NCBP3: variants seen among roughly 807,000 people sequenced by gnomAD.
NCBP3 encodes nuclear cap binding subunit 3, also known as nuclear cap-binding protein subunit 3.
NCBP3 carries 20 observed loss-of-function variants against 75.7 expected under a neutral mutation model. The observed-to-expected ratio is 0.26, with a 90% CI of 0.19 to 0.38. The LOEUF (loss-of-function observed/expected upper bound fraction) is 0.38, where lower values mean the gene tolerates loss of function less well. NCBP3 is among the 10% of genes least tolerant of loss of function. The probability of loss-of-function intolerance (pLI) is 1.00; values close to 1 mark genes in which losing one functional copy is unlikely to be tolerated. For missense variants in NCBP3, 678 were observed against 796.9 expected, an observed-to-expected ratio of 0.85 and a Z score of 1.80; for synonymous variants, 293 against 290.5, an observed-to-expected ratio of 1.01 and a Z score of -0.09.
At chr17:3,827,711 A>G (rs2053812477) in intron 4 of NCBP3, among the ~76,000 whole-genome samples, 1 of 152,194 alleles carries the variant, frequency 6.6e-6, no homozygotes, top group African/African-American at 2.4e-5. Flanking sequence ...TAAATAATAC[A>G]AGGTAGGTGA....
chr17:3,842,122 T>G (rs1042970344), intron 2 of NCBP3, among the ~76,000 whole-genome samples: 1 of 151,882 alleles, frequency 6.6e-6, no homozygotes, highest in Non-Finnish European at 1.5e-5. Flanking sequence ...TACAAGGCAA[T>G]AGTCTTATTA....
rs1423940530 is a variant in NCBP3, at chr17:3,825,720, G to A, written c.687+47C>T. ...AAGGCTTAAGTTAAAAAGACAGTGA[G>A]CAATTTTTTACAATAACTTTACATC... On this transcript the variant is annotated intron_variant, in intron 6 of 12. Coordinates refer to ENST00000389005, the MANE Select transcript of NCBP3 (RefSeq NM_001114118.3). 3 of 1,392,472 alleles carry A rather than the reference G, an allele frequency of 2.2e-6. No homozygotes were observed. In the East Asian group the frequency reaches 7.5e-5, roughly 35 times the overall value. 86.3% of individuals were successfully genotyped at this position (1,392,472 alleles called of 1,614,324 possible).
At chr17:3,821,540 A>G (rs2143658837) in intron 8 of NCBP3, among the ~76,000 whole-genome samples, 188 bp from the exon 9 acceptor site, 1 of 152,170 alleles carries the variant, frequency 6.6e-6, no homozygotes, top group Non-Finnish European at 1.5e-5. Context: ...CTCCTGCCTC[A>G]GCCTCCCGAG....
chr17:3,831,792 T>C (rs982842457), intron 3 of NCBP3, among the ~76,000 whole-genome samples: 2 of 121,162 alleles, frequency 1.7e-5, no homozygotes, highest in African/African-American at 5.0e-5. Flanking sequence ...CAAGATCTAC[T>C]GTTTAACAGC....
chr17:3,835,588 T>C (rs1334733998), intron 3 of NCBP3, among the ~76,000 whole-genome samples: 1 of 152,222 alleles, frequency 6.6e-6, no homozygotes, highest in Non-Finnish European at 1.5e-5. Flanking sequence ...TAGAAGGCAA[T>C]GCTCAACACA....
At chr17:3,840,423 A>G (rs904858265) in intron 2 of NCBP3, among the ~76,000 whole-genome samples, 2 of 152,218 alleles carry the variant, frequency 1.3e-5, no homozygotes, top group Non-Finnish European at 2.9e-5. Context: ...GACATAACAC[A>G]GCCTATCACT....
intron 3 of NCBP3, among the ~76,000 whole-genome samples, chr17:3,838,686 T>A (rs2054016755): frequency 6.6e-6 from 1 of 152,218 alleles, no homozygotes; most frequent in South Asian, 2.1e-4. Flanking sequence ...AAACTGGGTG[T>A]GAATCCTGAC....
intron 1 of NCBP3, among the ~76,000 whole-genome samples, chr17:3,845,454 T>C (rs187765006): frequency 6.6e-6 from 1 of 152,198 alleles, no homozygotes; most frequent in Admixed American, 6.5e-5. Flanking sequence ...CTAGTTTGCT[T>C]TCATTAAGAG....
chr17:3,815,378 C>T (rs1270494157), intron 11 of NCBP3, among the ~76,000 whole-genome samples: 1 of 152,180 alleles, frequency 6.6e-6, no homozygotes, highest in Non-Finnish European at 1.5e-5. Context: ...GACGGCTCTG[C>T]GTCCCCTCCA....
intron 3 of NCBP3, among the ~76,000 whole-genome samples, chr17:3,829,972 A>G (rs187489146): frequency 6.6e-6 from 1 of 152,352 alleles, no homozygotes; most frequent in Non-Finnish European, 1.5e-5. Flanking sequence ...CATGAAAACA[A>G]GAAGACACCA....
At chr17:3,835,312 G>A (rs1027292725) in intron 3 of NCBP3, among the ~76,000 whole-genome samples, 1 of 152,258 alleles carries the variant, frequency 6.6e-6, no homozygotes, top group Non-Finnish European at 1.5e-5. Flanking sequence ...TATAGGATGA[G>A]TGCAACACTG....
At chr17:3,831,209 C>CTT (rs370664146) in intron 3 of NCBP3, among the ~76,000 whole-genome samples, 29 of 151,990 alleles carry the variant, frequency 1.9e-4, no homozygotes, top group Middle Eastern at 6.8e-3. Flanking sequence ...CCACACCCGG[C>CTT]TTTTTTTACT....
At chr17:3,814,206 C>G in intron 12 of NCBP3, 116 bp downstream of exon 12, 1 of 1,020,632 alleles carries the variant, frequency 9.8e-7, no homozygotes, top group Non-Finnish European at 1.5e-6. Flanking sequence ...GGAATAATCA[C>G]TTATATTTGG....
chr17:3,826,402 T>G (rs1281626541), intron 4 of NCBP3, among the ~76,000 whole-genome samples, 187 bp from the exon 5 acceptor site: 2 of 152,042 alleles, frequency 1.3e-5, no homozygotes, highest in African/African-American at 4.8e-5. Context: ...ACCCCAGTAC[T>G]TTGGGAGGCC....
intron 3 of NCBP3, among the ~76,000 whole-genome samples, chr17:3,835,893 AGTTAGGAACACACGT>A (rs1162908705): frequency 6.6e-6 from 1 of 152,236 alleles, no homozygotes; most frequent in Non-Finnish European, 1.5e-5. Context: ...CTGGCAGAGC[AGTTAGGAACACACGT>A]TTCAGTCAGA....
chr17:3,830,511 T>C (rs1350409346), intron 3 of NCBP3, among the ~76,000 whole-genome samples: 5 of 152,218 alleles, frequency 3.3e-5, no homozygotes, highest in Non-Finnish European at 5.9e-5. Flanking sequence ...TGAGTCACAC[T>C]GATAACTGCT....
At chr17:3,816,332 A>G in intron 10 of NCBP3, 62 bp from the exon 11 acceptor site, 1 of 1,436,686 alleles carries the variant, frequency 7.0e-7, no homozygotes, top group Non-Finnish European at 9.6e-7. Context: ...CAAGACCCAA[A>G]CAACAATCTC....
chr17:3,825,874 C>T, intron 5 of NCBP3, 31 bp from the exon 6 acceptor site: 2 of 1,514,752 alleles, frequency 1.3e-6, no homozygotes, highest in South Asian at 2.4e-5. Context: ...CAAGATGAAA[C>T]AAGATAAAAT....
rs111819433 is a variant in NCBP3, at chr17:3,818,920, C to CA, written c.1001-349dup. On this transcript the variant is annotated intron_variant, in intron 9 of 12. Coordinates refer to ENST00000389005, the MANE Select transcript of NCBP3 (RefSeq NM_001114118.3). The surrounding 1 kb of genome is among the most constrained non-coding windows in gnomAD (Gnocchi z 4.7). The stretch of plus-strand genomic sequence containing the variant: ...TCATTTGCTGGCACGCACAGAGTGG[C>CA]AAAAAAATCTGAGTCACCAGGCACA... Among the ~76,000 whole-genome samples the CA allele has an allele frequency of 2.6e-5, 4 of 152,044 alleles. No individual in the cohort carries two copies. The highest frequency in any genetic ancestry group is 9.7e-5 in the African/African-American group (4 of 41,386).
Sources: gnomAD v4.1 joint callset for allele counts (sites outside exome capture counted in the v4.1 genomes callset) on GRCh38, gnomAD v4.1.1 for gene constraint, Gnocchi (gnomAD v3.1) non-coding constraint, MANE v1.5 for transcripts, NCBI Gene and HGNC (gene_info 2026-07-23, HGNC 2026-07-21) for gene names.